The following IQSEC3 variants were observed in gnomAD, a reference collection of about 807,000 sequenced individuals.
IQSEC3 encodes the protein IQ motif and SEC7 domain-containing protein 3.
In IQSEC3, 50 loss-of-function variants were observed where a neutral mutation model predicts 105.4. The observed-to-expected ratio is 0.47, with a 90% CI of 0.38 to 0.60. The LOEUF is 0.60. IQSEC3 is among the 20% of genes least tolerant of loss of function. The pLI, the probability that IQSEC3 is intolerant of heterozygous loss-of-function variation, is 0.00. For synonymous variants in IQSEC3, 708 were observed against 746.0 expected, an observed-to-expected ratio of 0.95 and a Z score of 0.83; for missense variants, 1,415 against 1,630.0, an observed-to-expected ratio of 0.87 and a Z score of 2.27.
At chr12:134,030 T>C (rs55881607) in intron 3 of IQSEC3, among the ~76,000 whole-genome samples, 3,139 of 152,366 alleles carry the variant, frequency 0.021, 56 homozygotes, top group South Asian at 0.056. Flanking sequence ...TGGGGAGATC[T>C]GTGGCCAGGT....
At chr12:120,809 G>C (rs1555081757) in intron 2 of IQSEC3, among the ~76,000 whole-genome samples, 1 of 152,146 alleles carries the variant, frequency 6.6e-6, no homozygotes. Flanking sequence ...GTGTGTATCA[G>C]CCTAATGTCA....
At position 175,038 on chromosome 12, in the gene IQSEC3, T is replaced by C. The variant is rs770806502; in HGVS notation, c.*5T>C. On this transcript the variant is annotated 3_prime_UTR_variant, in exon 14 of 14. Transcript: ENST00000538872. ...GGCTCAAGGAGCCTGGTGTAGACTC[T>C]GCCCCACCACCCTGCTGTCCTGGGA... 27 of 1,515,192 alleles carry C rather than the reference T, an allele frequency of 1.8e-5. No homozygotes were observed. The African/African-American group carries it at 2.6e-4, about 15-fold the overall frequency. 93.9% of individuals were successfully genotyped at this position (1,515,192 alleles called of 1,614,324 possible).
chr12:98,421 T>C (rs1555075242), intron 1 of IQSEC3, among the ~76,000 whole-genome samples: 2 of 152,192 alleles, frequency 1.3e-5, no homozygotes, highest in African/African-American at 4.8e-5. Context: ...ATGAGTCGTT[T>C]TAAAAATTTC....
intron 13 of IQSEC3, among the ~76,000 whole-genome samples, chr12:174,163 G>A (rs1283471580): frequency 6.6e-6 from 1 of 152,152 alleles, no homozygotes; most frequent in Non-Finnish European, 1.5e-5. Flanking sequence ...GGAACAGAGG[G>A]AAAGGCTCAA....
chr12:125,962 T>G (rs11608642), intron 3 of IQSEC3, 50 bp downstream of exon 3: 1 of 1,505,384 alleles, frequency 6.6e-7, no homozygotes, highest in East Asian at 2.5e-5. Flanking sequence ...GGGGCCCTGC[T>G]TTGGGGGCTG....
At chr12:76,572 T>A (rs868938449) in intron 1 of IQSEC3, among the ~76,000 whole-genome samples, 2 of 152,276 alleles carry the variant, frequency 1.3e-5, no homozygotes, top group African/African-American at 4.8e-5. Flanking sequence ...AAGTGTTTCA[T>A]CTCCATTGGC....
At chr12:169,160 C>A in intron 12 of IQSEC3, 55 bp downstream of exon 12, 1 of 1,473,386 alleles carries the variant, frequency 6.8e-7, no homozygotes, top group Non-Finnish European at 9.5e-7. Flanking sequence ...CTCGGGGACC[C>A]TGGGTGTGGG....
intron 1 of IQSEC3, among the ~76,000 whole-genome samples, chr12:88,364 C>T (rs576669271): frequency 2.0e-5 from 3 of 152,264 alleles, no homozygotes; most frequent in East Asian, 1.9e-4. Context: ...ATCTGAAAAA[C>T]GTACAGTGTG....
intron 13 of IQSEC3, 83 bp downstream of exon 13, chr12:171,244 C>T: frequency 6.2e-7 from 1 of 1,613,910 alleles, no homozygotes; most frequent in Non-Finnish European, 8.5e-7. Flanking sequence ...TTTCTCTTCT[C>T]AGGTATTAAT....
At chr12:125,565 G>A (rs781985601) in intron 2 of IQSEC3, 68 bp from the exon 3 acceptor site, 63 of 1,400,568 alleles carry the variant, frequency 4.5e-5, no homozygotes, top group African/African-American at 1.2e-4. Flanking sequence ...TTCTCTCCCC[G>A]ACCCCCACAT....
intron 1 of IQSEC3, among the ~76,000 whole-genome samples, chr12:97,289 T>C (rs1181972490): frequency 6.6e-6 from 1 of 152,240 alleles, no homozygotes; most frequent in Non-Finnish European, 1.5e-5. Context: ...TATACTTTCC[T>C]AGTCTATCAT....
chr12:155,438 G>A (rs1866652951), intron 5 of IQSEC3, among the ~76,000 whole-genome samples: 1 of 152,190 alleles, frequency 6.6e-6, no homozygotes, highest in Non-Finnish European at 1.5e-5. Flanking sequence ...GAGGCGAAAA[G>A]GAAAGAGGAG....
intron 1 of IQSEC3, among the ~76,000 whole-genome samples, chr12:94,877 C>A (rs1864197768): frequency 6.6e-6 from 1 of 152,250 alleles, no homozygotes. Flanking sequence ...ACAAGCAATG[C>A]TTCTTTGCGT....
chr12:166,625 AG>A (rs1430208705), intron 11 of IQSEC3, among the ~76,000 whole-genome samples: 1 of 152,218 alleles, frequency 6.6e-6, no homozygotes, highest in Non-Finnish European at 1.5e-5. Context: ...AGACTAAATA[AG>A]AACAGATTCA....
chr12:113,149 G>A lies in IQSEC3; in HGVS notation c.624-12484G>A, dbSNP rs144798441. Among the ~76,000 whole-genome samples the A allele has an allele frequency of 7.2e-3, 1,090 of 152,208 alleles. 5 individuals are homozygous for A. Among genetic ancestry groups the A allele is most frequent in the Middle Eastern group, 0.024 (7 of 294 alleles). On this transcript the variant is annotated intron_variant, in intron 2 of 13. Transcript: ENST00000538872. ...GCTCTTAGCGTTTATCCTGGGCTTG[G>A]ATGCAGTTTCTTGCACTCCAAGGAC...
chr12:166,138 T>C, intron 11 of IQSEC3: 1 of 487,418 alleles, frequency 2.1e-6, no homozygotes, highest in Non-Finnish European at 3.6e-6. Flanking sequence ...CATGTGGGGC[T>C]GCGCGTGGGC....
chr12:75,833 T>A (rs1349738185), intron 1 of IQSEC3, among the ~76,000 whole-genome samples: 2 of 152,226 alleles, frequency 1.3e-5, no homozygotes, highest in African/African-American at 2.4e-5. Flanking sequence ...GACCCCTGGG[T>A]CCAACAGCAC....
At chr12:120,295 A>G (rs1326984624) in intron 2 of IQSEC3, among the ~76,000 whole-genome samples, 1 of 152,208 alleles carries the variant, frequency 6.6e-6, no homozygotes, top group Non-Finnish European at 1.5e-5. Context: ...CATCTCCAGC[A>G]GAAGGAAATC....
At chr12:122,389 AT>A (rs1555082111) in intron 2 of IQSEC3, among the ~76,000 whole-genome samples, 2 of 152,332 alleles carry the variant, frequency 1.3e-5, no homozygotes, top group African/African-American at 4.8e-5. Flanking sequence ...AGTTAGAAGC[AT>A]TGTGTGTGCG....
Sources: gnomAD v4.1 joint callset for allele counts (sites outside exome capture counted in the v4.1 genomes callset) on GRCh38, gnomAD v4.1.1 for gene constraint, MANE v1.5 for transcripts, NCBI Gene and HGNC (gene_info 2026-07-23, HGNC 2026-07-21) for gene names.